RORB: variants seen among roughly 807,000 people sequenced by gnomAD.
RORB encodes nuclear receptor ROR-beta.
Under a neutral mutation model 59.1 loss-of-function variants are expected in RORB, and 6 were observed. The ratio of observed to expected loss-of-function variants is 0.10; its 90% CI spans 0.06 to 0.20. The LOEUF (loss-of-function observed/expected upper bound fraction) is 0.20. RORB is among the 10% of genes least tolerant of loss of function. RORB has a pLI of 1.00. For synonymous variants in RORB, 215 were observed against 204.5 expected (o/e 1.05, Z -0.44); for missense variants, 320 against 560.5 (o/e 0.57, Z 4.33).
chr9:74,666,419 C>A (rs1824266002), intron 7 of RORB, among the ~76,000 whole-genome samples: 2 of 151,678 alleles, frequency 1.3e-5, no homozygotes, highest in Admixed American at 1.3e-4. Flanking sequence ...CATCTTCACA[C>A]CACTGCACTA....
chr9:74,604,245 G>A (rs188554189), intron 1 of RORB, among the ~76,000 whole-genome samples: 8 of 152,200 alleles, frequency 5.3e-5, no homozygotes, highest in East Asian at 1.9e-4. Context: ...GGATGCTAAC[G>A]AGCCTGCCTT....
At chr9:74,569,003 C>G (rs1375767256) in intron 1 of RORB, among the ~76,000 whole-genome samples, 1 of 151,886 alleles carries the variant, frequency 6.6e-6, no homozygotes, top group African/African-American at 2.4e-5. Flanking sequence ...TAGCTAGAAA[C>G]GTTAGTATGA....
intron 4 of RORB, among the ~76,000 whole-genome samples, chr9:74,645,741 A>T (rs1823886352): frequency 6.6e-6 from 1 of 152,150 alleles, no homozygotes; most frequent in Non-Finnish European, 1.5e-5. Flanking sequence ...GTATTTGTAT[A>T]TTTTACTGAT....
chr9:74,566,122 A>G (rs1822464783), intron 1 of RORB, among the ~76,000 whole-genome samples: 1 of 152,042 alleles, frequency 6.6e-6, no homozygotes, highest in Non-Finnish European at 1.5e-5. Context: ...TCCTTTACCA[A>G]CCCCTGTCAC....
chr9:74,655,754 A>T (rs969429442), intron 4 of RORB, among the ~76,000 whole-genome samples: 21 of 152,260 alleles, frequency 1.4e-4, no homozygotes, highest in Non-Finnish European at 2.4e-4. Flanking sequence ...ATCTCCTTGG[A>T]CATTCAAGCA....
intron 4 of RORB, among the ~76,000 whole-genome samples, chr9:74,652,275 G>A (rs1824005246): frequency 6.6e-6 from 1 of 152,100 alleles, no homozygotes; most frequent in South Asian, 2.1e-4. Context: ...AAGTGTGGTG[G>A]CTCGTGCCTG....
chr9:74,588,875 T>C (rs1265899538), intron 1 of RORB, among the ~76,000 whole-genome samples: 1 of 152,092 alleles, frequency 6.6e-6, no homozygotes, highest in Non-Finnish European at 1.5e-5. Context: ...CTGCTTTCCA[T>C]GTTAACATTT....
At chr9:74,546,385 C>G (rs1420332503) in intron 1 of RORB, among the ~76,000 whole-genome samples, 1 of 151,846 alleles carries the variant, frequency 6.6e-6, no homozygotes, top group African/African-American at 2.4e-5. Context: ...GGAGGATTGT[C>G]TGGCTTTAAG....
intron 8 of RORB, among the ~76,000 whole-genome samples, chr9:74,668,208 T>C (rs1187638988): frequency 6.6e-6 from 1 of 152,218 alleles, no homozygotes; most frequent in African/African-American, 2.4e-5. Context: ...AAGTTCTATT[T>C]TGACTTTAAG....
At chr9:74,551,468 G>C (rs2118165791) in intron 1 of RORB, among the ~76,000 whole-genome samples, 1 of 152,336 alleles carries the variant, frequency 6.6e-6, no homozygotes, top group South Asian at 2.1e-4. Context: ...TGGACAAAGA[G>C]ATGATTCATG....
chr9:74,498,150 G>A, intron 1 of RORB, 167 bp downstream of exon 1: 2 of 772,476 alleles, frequency 2.6e-6, no homozygotes, highest in Admixed American at 4.6e-5. Context: ...GGCGTAGAAA[G>A]TTGCGGGAAG....
chr9:74,588,267 T>TA (rs926449362), intron 1 of RORB, among the ~76,000 whole-genome samples: 2 of 152,130 alleles, frequency 1.3e-5, no homozygotes, highest in African/African-American at 4.8e-5. Context: ...AATTGAAGGA[T>TA]TTGGGCTAAG....
At chr9:74,602,034 A>G (rs1477986600) in intron 1 of RORB, among the ~76,000 whole-genome samples, 1 of 152,132 alleles carries the variant, frequency 6.6e-6, no homozygotes, top group Non-Finnish European at 1.5e-5. Context: ...CCTGCCCTCC[A>G]TCATGCTGAG....
chr9:74,531,980 G>A (rs1447145684), intron 1 of RORB, among the ~76,000 whole-genome samples: 1 of 151,818 alleles, frequency 6.6e-6, no homozygotes, highest in African/African-American at 2.4e-5. Context: ...GATGTCTCAA[G>A]CCCTTGAAAA....
At chr9:74,571,866 C>T (rs923418956) in intron 1 of RORB, among the ~76,000 whole-genome samples, 1 of 152,128 alleles carries the variant, frequency 6.6e-6, no homozygotes, top group Non-Finnish European at 1.5e-5. Flanking sequence ...TCTGAGCCAT[C>T]TTCCTCACAC....
intron 1 of RORB, among the ~76,000 whole-genome samples, chr9:74,626,960 G>A (rs975794872): frequency 2.6e-5 from 4 of 151,992 alleles, no homozygotes; most frequent in African/African-American, 9.7e-5. Flanking sequence ...TCAGGAGATC[G>A]AGACCATCCT....
At chr9:74,630,435 T>C (rs575077328) in intron 2 of RORB, 68 bp downstream of exon 2, 2 of 1,136,882 alleles carry the variant, frequency 1.8e-6, no homozygotes, top group East Asian at 2.6e-5. Flanking sequence ...CAAGATGCGG[T>C]GACACGTTTT....
intron 1 of RORB, among the ~76,000 whole-genome samples, chr9:74,559,111 G>C (rs1030242542): frequency 6.6e-6 from 1 of 152,152 alleles, no homozygotes; most frequent in Non-Finnish European, 1.5e-5. Context: ...CCGTGCATAC[G>C]ATTTGATAAC....
At position 74,614,947 on chromosome 9, in the gene RORB, G is replaced by A. The variant is rs549027285; in HGVS notation, c.8-15335G>A. 1.7e-3 allele frequency among the ~76,000 whole-genome samples: 265 copies of A among 152,230 alleles called. 2 individuals are homozygous for A. The highest frequency in any genetic ancestry group is 5.7e-3 in the African/African-American group (235 of 41,538). ...AGTCACTTTAGACTTCAGGTGTGGG[G>A]CCCGGTGAGGTCACCTGGTGTTAAG... On this transcript the variant is annotated intron_variant, in intron 1 of 9. Transcript: ENST00000376896.
Sources: allele counts gnomAD v4.1 joint callset (sites outside exome capture counted in the v4.1 genomes callset), GRCh38; gene constraint gnomAD v4.1.1; transcripts MANE v1.5; gene names NCBI Gene and HGNC (gene_info 2026-07-23, HGNC 2026-07-21).